The following NTNG1 variants were observed in gnomAD, a reference collection of about 807,000 sequenced individuals.
The protein encoded by NTNG1 is netrin-G1.
Under a neutral mutation model 54.0 loss-of-function variants are expected in NTNG1, and 16 were observed. The observed-to-expected ratio is 0.30, with a 90% CI of 0.20 to 0.45. The LOEUF is 0.45. NTNG1 is among the 20% of genes least tolerant of loss of function. NTNG1 has a pLI of 1.00. For missense variants in NTNG1, 530 were observed against 678.7 expected, an observed-to-expected ratio of 0.78 and a Z score of 2.43; for synonymous variants, 255 against 263.1, an observed-to-expected ratio of 0.97 and a Z score of 0.30.
intron 3 of NTNG1, among the ~76,000 whole-genome samples, chr1:107,394,303 G>A (rs773212445): frequency 7.9e-5 from 12 of 152,124 alleles, no homozygotes; most frequent in Non-Finnish European, 1.3e-4. Flanking sequence ...CAAAGACTTC[G>A]GGCATTGGGA....
chr1:107,321,175 C>T (rs990405280), intron 2 of NTNG1, among the ~76,000 whole-genome samples: 14 of 152,024 alleles, frequency 9.2e-5, no homozygotes, highest in African/African-American at 3.4e-4. Context: ...ACACATTATG[C>T]TTGTTTGTTT....
intron 2 of NTNG1, among the ~76,000 whole-genome samples, chr1:107,194,626 T>C (rs1015904528): frequency 3.9e-5 from 6 of 152,042 alleles, no homozygotes; most frequent in Non-Finnish European, 7.4e-5. Flanking sequence ...AGTAAACCAA[T>C]AGCATCCATC....
intron 3 of NTNG1, among the ~76,000 whole-genome samples, chr1:107,348,041 T>C (rs1669361218): frequency 1.3e-5 from 2 of 152,108 alleles, no homozygotes; most frequent in African/African-American, 4.8e-5. Context: ...CTGACATCCT[T>C]GCCTTCTGAC....
intron 2 of NTNG1, among the ~76,000 whole-genome samples, chr1:107,299,764 G>A (rs992558319): frequency 2.0e-5 from 3 of 152,108 alleles, no homozygotes; most frequent in African/African-American, 7.2e-5. Context: ...GTACAGATAA[G>A]CAACTAAGGC....
intron 7 of NTNG1, among the ~76,000 whole-genome samples, chr1:107,469,151 G>A (rs1677809742): frequency 6.8e-6 from 1 of 148,036 alleles, no homozygotes; most frequent in South Asian, 2.2e-4. Context: ...TTATTTCAAA[G>A]CAATCATCCT....
At chr1:107,362,283 G>A (rs1670347832) in intron 3 of NTNG1, among the ~76,000 whole-genome samples, 1 of 152,200 alleles carries the variant, frequency 6.6e-6, no homozygotes, top group Non-Finnish European at 1.5e-5. Context: ...CTAAAATGGT[G>A]GAAATTCTGG....
At chr1:107,358,732 A>G (rs574393451) in intron 3 of NTNG1, among the ~76,000 whole-genome samples, 3 of 152,164 alleles carry the variant, frequency 2.0e-5, no homozygotes, top group African/African-American at 7.2e-5. Context: ...ACAGTATTTG[A>G]ACTGCAATTT....
chr1:107,298,783 C>T (rs542739145), intron 2 of NTNG1, among the ~76,000 whole-genome samples: 3 of 152,224 alleles, frequency 2.0e-5, no homozygotes, highest in East Asian at 3.9e-4. Flanking sequence ...AGGGCAACCC[C>T]TTGATGCCTC....
chr1:107,467,885 C>T (rs1677708154), intron 7 of NTNG1, among the ~76,000 whole-genome samples: 2 of 152,226 alleles, frequency 1.3e-5, no homozygotes, highest in Non-Finnish European at 1.5e-5. Flanking sequence ...CCCTAAATGG[C>T]TCCTGTCATC....
intron 2 of NTNG1, among the ~76,000 whole-genome samples, chr1:107,238,157 C>G (rs913554815): frequency 6.6e-6 from 1 of 152,174 alleles, no homozygotes; most frequent in Non-Finnish European, 1.5e-5. Flanking sequence ...CTTTCATCAT[C>G]GTGACCTGGA....
chr1:107,429,399 A>G (rs600647), intron 5 of NTNG1, among the ~76,000 whole-genome samples: 70,634 of 151,850 alleles, frequency 0.47, 17,189 homozygotes, highest in Non-Finnish European at 0.54. Context: ...TATTTACTTG[A>G]CAACACTTAC....
At chr1:107,142,174 C>G (rs573267644) in intron 1 of NTNG1, among the ~76,000 whole-genome samples, 1 of 152,148 alleles carries the variant, frequency 6.6e-6, no homozygotes, top group African/African-American at 2.4e-5. Context: ...CTGTGGATAT[C>G]TATATATAAT....
chr1:107,158,565 C>T lies in NTNG1; in HGVS notation c.246+9726C>T, dbSNP rs372042733. 2.0e-5 allele frequency among the ~76,000 whole-genome samples: 3 copies of T among 152,172 alleles called. No homozygotes were observed. In the East Asian group the frequency reaches 5.8e-4, roughly 29 times the overall value. On this transcript the variant is annotated intron_variant, in intron 2 of 7. Transcript: ENST00000370068. ...CCAGCTGCCGACATTATCATGAGGC[C>T]ATATCTGCACAGTGATTTTTCACCG...
intron 3 of NTNG1, among the ~76,000 whole-genome samples, chr1:107,388,668 C>T (rs1672174953): frequency 6.6e-6 from 1 of 152,254 alleles, no homozygotes; most frequent in African/African-American, 2.4e-5. Flanking sequence ...CTTATCCTGG[C>T]CTTACAGTAA....
chr1:107,155,520 T>A (rs1654921545), intron 2 of NTNG1, among the ~76,000 whole-genome samples: 1 of 152,132 alleles, frequency 6.6e-6, no homozygotes, highest in South Asian at 2.1e-4. Context: ...TCAACTGTAC[T>A]CCACCATTTA....
chr1:107,444,304 T>C (rs1365050526), intron 7 of NTNG1, among the ~76,000 whole-genome samples: 1 of 152,146 alleles, frequency 6.6e-6, no homozygotes, highest in Non-Finnish European at 1.5e-5. Context: ...GGGCTTATGC[T>C]GTGGAAAGGA....
At position 107,399,561 on chromosome 1, in the gene NTNG1, T is replaced by A. The variant is rs532408922; in HGVS notation, c.1060+4235T>A. On this transcript the variant is annotated intron_variant, in intron 4 of 7. Transcript: ENST00000370068. ...ATTTATATTTTCCCAGGTGTACACA[T>A]GTATGTGTCCTTATCCAGACAATTT... is the stretch of plus-strand genomic sequence containing the variant. Among the ~76,000 whole-genome samples, 388 of 152,312 alleles carry A rather than the reference T, an allele frequency of 2.5e-3. 2 individuals carry two copies. Among genetic ancestry groups the A allele is most frequent in the African/African-American group, 8.8e-3 (366 of 41,576 alleles).
intron 2 of NTNG1, among the ~76,000 whole-genome samples, chr1:107,267,108 A>T (rs1441838686): frequency 6.6e-6 from 1 of 152,238 alleles, no homozygotes; most frequent in Non-Finnish European, 1.5e-5. Context: ...TTAATTCTTC[A>T]GTTGTGCATT....
At chr1:107,455,627 T>C (rs764829545) in intron 7 of NTNG1, 1 of 495,658 alleles carries the variant, frequency 2.0e-6, no homozygotes, top group Non-Finnish European at 4.0e-6. Context: ...AGCTCTGTGG[T>C]GAGATGGAAG....
Sources: gnomAD v4.1 joint callset for allele counts (sites outside exome capture counted in the v4.1 genomes callset) on GRCh38, gnomAD v4.1.1 for gene constraint, MANE v1.5 for transcripts, NCBI Gene and HGNC (gene_info 2026-07-23, HGNC 2026-07-21) for gene names.